The following GABRB3 variants were observed in gnomAD, a reference collection of about 807,000 sequenced individuals.
GABRB3 encodes the protein gamma-aminobutyric acid type A receptor subunit beta3.
In GABRB3, 14 loss-of-function variants were observed where a neutral mutation model predicts 52.1. The ratio of observed to expected loss-of-function variants is 0.27; its 90% CI spans 0.18 to 0.42. The LOEUF (loss-of-function observed/expected upper bound fraction) is 0.42. GABRB3 is among the 10% of genes least tolerant of loss of function. The pLI is 1.00. For synonymous variants in GABRB3, 260 were observed against 232.3 expected, an observed-to-expected ratio of 1.12 and a Z score of -1.08; for missense variants, 307 against 609.1, an observed-to-expected ratio of 0.50 and a Z score of 5.22.
chr15:26,738,319 T>G (rs993802192), intron 3 of GABRB3, among the ~76,000 whole-genome samples: 2 of 152,038 alleles, frequency 1.3e-5, no homozygotes, highest in African/African-American at 2.4e-5. Context: ...CTGACCTCAG[T>G]TGATCCACCC....
At chr15:26,723,470 T>A (rs777771659) in intron 3 of GABRB3, among the ~76,000 whole-genome samples, 13 of 152,212 alleles carry the variant, frequency 8.5e-5, no homozygotes, top group Non-Finnish European at 1.5e-4. Flanking sequence ...TTGCAAAGAA[T>A]GAACTACCCA....
At chr15:26,725,424 C>A (rs1364244287) in intron 3 of GABRB3, among the ~76,000 whole-genome samples, 1 of 152,174 alleles carries the variant, frequency 6.6e-6, no homozygotes, top group Non-Finnish European at 1.5e-5. Flanking sequence ...TTGATCCACC[C>A]ACTGACTGCC....
At chr15:26,769,606 G>A (rs978134510) in intron 3 of GABRB3, among the ~76,000 whole-genome samples, 1 of 152,068 alleles carries the variant, frequency 6.6e-6, no homozygotes, top group South Asian at 2.1e-4. Flanking sequence ...CCACCCATTC[G>A]TAACTCTGCC....
chr15:26,763,639 C>CACACACACACACAT (rs368390366), intron 3 of GABRB3, among the ~76,000 whole-genome samples: 1 of 148,274 alleles, frequency 6.7e-6, no homozygotes, highest in Non-Finnish European at 1.5e-5. Context: ...CACACACACA[C>CACACACACACACAT]CATGGAATAA....
At chr15:26,561,617 T>G (rs1329746863) in intron 7 of GABRB3, among the ~76,000 whole-genome samples, 3 of 152,276 alleles carry the variant, frequency 2.0e-5, no homozygotes, top group Non-Finnish European at 4.4e-5. Context: ...TTGAGGTGTC[T>G]GTGGCTGCAG....
chr15:26,555,506 A>G (rs1889720352), intron 8 of GABRB3, among the ~76,000 whole-genome samples: 1 of 152,172 alleles, frequency 6.6e-6, no homozygotes, highest in South Asian at 2.1e-4. Flanking sequence ...GTGGGTCTCT[A>G]AGGCTGTGCC....
chr15:26,579,862 C>T (rs551406217), intron 6 of GABRB3, among the ~76,000 whole-genome samples: 13 of 152,112 alleles, frequency 8.5e-5, no homozygotes, highest in South Asian at 4.1e-4. Context: ...TGGGGCAAGG[C>T]GGACTGGAGG....
At chr15:26,690,692 T>C (rs1407643408) in intron 3 of GABRB3, among the ~76,000 whole-genome samples, 1 of 151,866 alleles carries the variant, frequency 6.6e-6, no homozygotes, top group Non-Finnish European at 1.5e-5. Context: ...TTAGTGTTTG[T>C]GCTGTACCCA....
chr15:26,554,160 A>T (rs1439399888), intron 8 of GABRB3, among the ~76,000 whole-genome samples: 13 of 20,808 alleles, frequency 6.2e-4, no homozygotes, highest in African/African-American at 1.9e-3. Context: ...ATATATATAA[A>T]GTATATATAT....
At chr15:26,555,404 T>G (rs1455127472) in intron 8 of GABRB3, among the ~76,000 whole-genome samples, 1 of 152,134 alleles carries the variant, frequency 6.6e-6, no homozygotes, top group Admixed American at 6.5e-5. Context: ...TGACTTGAGT[T>G]TTCAAGATTT....
intron 4 of GABRB3, among the ~76,000 whole-genome samples, chr15:26,589,246 C>T (rs190251187): frequency 6.6e-6 from 1 of 152,236 alleles, no homozygotes; most frequent in African/African-American, 2.4e-5. Flanking sequence ...ACAAACTTCT[C>T]TTCATAAGGA....
intron 5 of GABRB3, 149 bp downstream of exon 5, chr15:26,583,183 C>A (rs1890850550): frequency 1.9e-6 from 1 of 532,914 alleles, no homozygotes; most frequent in Non-Finnish European, 3.5e-6. Flanking sequence ...TATACTGAGT[C>A]TCTCTCTCTC....
chr15:26,667,572 T>G (rs184431068), intron 3 of GABRB3, among the ~76,000 whole-genome samples: 236 of 152,328 alleles, frequency 1.5e-3, no homozygotes, highest in African/African-American at 5.5e-3. Context: ...TTTAAATTCT[T>G]AAATTCATAA....
At chr15:26,663,717 T>C (rs1269638823) in intron 3 of GABRB3, among the ~76,000 whole-genome samples, 3 of 152,222 alleles carry the variant, frequency 2.0e-5, no homozygotes, top group Non-Finnish European at 2.9e-5. Context: ...AATAGATATT[T>C]TAATAGCCTT....
intron 3 of GABRB3, among the ~76,000 whole-genome samples, chr15:26,688,770 G>A (rs749338891): frequency 1.3e-5 from 2 of 152,172 alleles, no homozygotes; most frequent in African/African-American, 2.4e-5. Flanking sequence ...GCTAGCCACT[G>A]ACAGCTGGCT....
intron 8 of GABRB3, among the ~76,000 whole-genome samples, chr15:26,559,966 G>A (rs958856144): frequency 2.0e-5 from 3 of 152,172 alleles, no homozygotes; most frequent in African/African-American, 4.8e-5. Context: ...CTGGGCAGGT[G>A]GACAAAAGAT....
chr15:26,545,297 T>C lies in GABRB3; in HGVS notation c.*2496A>G, dbSNP rs1168425927. The C allele has an allele frequency of 6.6e-6, 1 of 152,546 alleles. No individual in the cohort carries two copies. Among genetic ancestry groups the C allele is most frequent in the African/African-American group, 2.4e-5 (1 of 41,418 alleles). The allele number at this position is 152,546 out of a possible 1,614,324, so 9.4% of individuals were successfully genotyped here. On this transcript the variant is annotated 3_prime_UTR_variant, in exon 9 of 9. Coordinates refer to ENST00000311550, the MANE Select transcript of GABRB3 (RefSeq NM_000814.6). ...GTCTACAAAGTTGTGGATCCCAGTC[T>C]TGGTGCCAAATGCATATAAAAAGCT...
rs942857105 is a variant in GABRB3, at chr15:26,546,781, G to T, written c.*1012C>A. ...AAATATACATATATATGCATATTATGCAAATATATTTTCTATTAACATACA... is the reference window on the plus strand; with the variant it reads ...AAATATACATATATATGCATATTATTCAAATATATTTTCTATTAACATACA... On this transcript the variant is annotated 3_prime_UTR_variant, in exon 9 of 9. Coordinates refer to ENST00000311550, the MANE Select transcript of GABRB3 (RefSeq NM_000814.6). The T allele has an allele frequency of 6.6e-6, 1 of 151,882 alleles. No homozygotes were observed. The highest frequency in any genetic ancestry group is 1.5e-5 in the Non-Finnish European group (1 of 67,988). The allele number at this position is 151,882 out of a possible 1,614,324, so 9.4% of individuals were successfully genotyped here.
At chr15:26,664,600 G>A (rs1887645993) in intron 3 of GABRB3, among the ~76,000 whole-genome samples, 1 of 151,724 alleles carries the variant, frequency 6.6e-6, no homozygotes, top group Non-Finnish European at 1.5e-5. Context: ...TATATTTATG[G>A]GGTACATGTG....
Sources: allele counts gnomAD v4.1 joint callset (sites outside exome capture counted in the v4.1 genomes callset), GRCh38; gene constraint gnomAD v4.1.1; transcripts MANE v1.5; gene names NCBI Gene and HGNC (gene_info 2026-07-23, HGNC 2026-07-21).